The following XPO6 variants were observed in gnomAD, a reference collection of about 807,000 sequenced individuals.
The protein encoded by XPO6 is exportin-6.
Under a neutral mutation model 130.0 loss-of-function variants are expected in XPO6, and 3 were observed. That is an observed-to-expected ratio of 0.02 (90% confidence interval 0.01 to 0.06). The LOEUF (loss-of-function observed/expected upper bound fraction) is 0.06, where lower values mean the gene tolerates loss of function less well. Among genes scored for constraint, XPO6 ranks in the 10% least tolerant of loss-of-function variants. The pLI, the probability that XPO6 is intolerant of heterozygous loss-of-function variation, is 1.00. For missense variants in XPO6, 970 were observed against 1,393.0 expected (o/e 0.70, Z 4.83); for synonymous variants, 524 against 548.9 (o/e 0.95, Z 0.63).
chr16:28,135,087 ACT>A, intron 10 of XPO6, 127 bp downstream of exon 10: 1 of 666,222 alleles, frequency 1.5e-6, no homozygotes, highest in Non-Finnish European at 2.5e-6. Flanking sequence ...CAAATGTACG[ACT>A]CAAACCAGAA....
At chr16:28,171,442 G>C (rs2043446844) in intron 4 of XPO6, among the ~76,000 whole-genome samples, 1 of 126,976 alleles carries the variant, frequency 7.9e-6, no homozygotes, top group African/African-American at 3.2e-5. Flanking sequence ...AAGAGAGCAA[G>C]ACTCTGTCTC....
chr16:28,200,560 C>T (rs1173111445), intron 1 of XPO6, among the ~76,000 whole-genome samples: 1 of 151,864 alleles, frequency 6.6e-6, no homozygotes, highest in Non-Finnish European at 1.5e-5. Flanking sequence ...TGCACCATTG[C>T]ACTCCAGCCT....
chr16:28,149,910 A>G (rs2043056159), intron 8 of XPO6, among the ~76,000 whole-genome samples: 1 of 152,244 alleles, frequency 6.6e-6, no homozygotes, highest in African/African-American at 2.4e-5. Flanking sequence ...GCTATGAGAG[A>G]GTAAGATCAT....
Position 28,166,525 on chromosome 16 carries a change from G to A in XPO6, c.626C>T (p.Pro209Leu), listed in dbSNP as rs781632203. 25 of 1,591,580 alleles carry A rather than the reference G, an allele frequency of 1.6e-5. No homozygotes were observed. The highest frequency in any genetic ancestry group is 4.6e-5 in the South Asian group (4 of 87,648). The change falls in exon 6 of 24, where the codon CCG becomes CTG. Residue 209 changes from proline to leucine, a missense_variant. Physicochemically the swap from Pro to Leu is moderately conservative, Grantham distance 98. This residue lies in a region of XPO6 where 936 missense variants were observed against 1,306.8 expected (regional missense o/e 0.72). Coordinates refer to ENST00000304658, the MANE Select transcript of XPO6 (RefSeq NM_015171.4). Reference protein sequence around the residue: ...SVTAATPPPSPTSGESGDLLS... With the variant: ...SVTAATPPPSLTSGESGDLLS... Reference sequence around the variant, plus strand: ...GACCATACCACTTTCTCCTGAGGTCGGGGATGGTGGTGGAGTGGCAGCAGT... The same window carrying A: ...GACCATACCACTTTCTCCTGAGGTCAGGGATGGTGGTGGAGTGGCAGCAGT...
chr16:28,148,095 T>C (rs537552535), intron 8 of XPO6, among the ~76,000 whole-genome samples: 11 of 152,184 alleles, frequency 7.2e-5, no homozygotes, highest in Non-Finnish European at 1.2e-4. Context: ...AACTATCCAC[T>C]AGCCCCCTCA....
At chr16:28,207,588 A>G (rs1352546367) in intron 1 of XPO6, among the ~76,000 whole-genome samples, 1 of 152,208 alleles carries the variant, frequency 6.6e-6, no homozygotes, top group Non-Finnish European at 1.5e-5. Flanking sequence ...AGTGTAAACA[A>G]AATTCCCCAT....
chr16:28,115,295 CAGTA>C, intron 15 of XPO6, among the ~76,000 whole-genome samples: 1 of 152,134 alleles, frequency 6.6e-6, no homozygotes, highest in South Asian at 2.1e-4. Flanking sequence ...ATTTCTGAAA[CAGTA>C]AGACTTGAAA....
rs1454748578 is a variant in XPO6, at chr16:28,104,656, G to C, written c.2836C>G (p.Leu946Val). ...AAGAAGTACCTCCAGTTGTGATGGA[G>C]CGTCCGGAAAAGGAGCTCAAACAGC... The part of the protein sequence containing the change: ...AELFELLFRT[L>V]HHNWRYFFKS... Residue 946 changes from leucine (L) to valine (V), a missense_variant, in exon 21 of 24, where the codon CTC becomes GTC. Transcript: ENST00000304658. 2.5e-6 allele frequency: 4 copies of C among 1,614,212 alleles called. No individual in the cohort carries two copies. Among genetic ancestry groups the C allele is most frequent in the Middle Eastern group, 1.6e-4 (1 of 6,062 alleles).
At chr16:28,167,410 C>T (rs557686726) in intron 5 of XPO6, 10 of 983,538 alleles carry the variant, frequency 1.0e-5, no homozygotes, top group African/African-American at 3.5e-5. Flanking sequence ...TCAGCTCACC[C>T]GACAGACGCG....
At chr16:28,119,546 T>A (rs1375693099) in intron 14 of XPO6, among the ~76,000 whole-genome samples, 1 of 152,110 alleles carries the variant, frequency 6.6e-6, no homozygotes, top group Non-Finnish European at 1.5e-5. Flanking sequence ...CCTCAGTCAC[T>A]CTCACACACA....
chr16:28,121,223 T>C (rs985075529), intron 14 of XPO6, among the ~76,000 whole-genome samples: 3 of 152,270 alleles, frequency 2.0e-5, no homozygotes, highest in African/African-American at 7.2e-5. Flanking sequence ...TCTGCTAAAA[T>C]CAGAATCTCT....
chr16:28,103,235 C>A (rs2086691048), intron 21 of XPO6, among the ~76,000 whole-genome samples: 1 of 152,150 alleles, frequency 6.6e-6, no homozygotes, highest in Admixed American at 6.5e-5. Flanking sequence ...GGCATGGGAT[C>A]CTACCATGCA....
chr16:28,141,863 G>A (rs554712780), intron 9 of XPO6, among the ~76,000 whole-genome samples: 1 of 152,348 alleles, frequency 6.6e-6, no homozygotes, highest in African/African-American at 2.4e-5. Context: ...GGAAGGCTGA[G>A]GCAGGAGAAT....
chr16:28,177,784 A>G (rs2043555663), intron 2 of XPO6, among the ~76,000 whole-genome samples: 1 of 152,254 alleles, frequency 6.6e-6, no homozygotes, highest in South Asian at 2.1e-4. Context: ...GAAAGGCAGA[A>G]AAAGAAAAGA....
chr16:28,146,236 T>A, intron 8 of XPO6, 33 bp from the exon 9 acceptor site: 1 of 1,408,598 alleles, frequency 7.1e-7, no homozygotes, highest in Non-Finnish European at 1.0e-6. Flanking sequence ...ACAATGAAAT[T>A]ATTTAATGCT....
At chr16:28,210,785 C>T (rs1415364065) in intron 1 of XPO6, among the ~76,000 whole-genome samples, 1 of 152,212 alleles carries the variant, frequency 6.6e-6, no homozygotes, top group Non-Finnish European at 1.5e-5. Flanking sequence ...TTTGCCATCA[C>T]CTGTGCAAGT....
intron 4 of XPO6, 136 bp downstream of exon 4, chr16:28,175,762 C>A: frequency 2.9e-6 from 2 of 696,656 alleles, no homozygotes; most frequent in Non-Finnish European, 4.9e-6. Flanking sequence ...AAAGTGAATG[C>A]GATAATCAGT....
chr16:28,115,421 A>G (rs2087031186), intron 15 of XPO6, among the ~76,000 whole-genome samples: 1 of 152,230 alleles, frequency 6.6e-6, no homozygotes, highest in Admixed American at 6.5e-5. Flanking sequence ...CTGAGTCCTT[A>G]GGTAACCAGG....
Position 28,211,498 on chromosome 16 carries a change from C to G in XPO6, c.-130G>C, listed in dbSNP as rs945443566. ...ACCCATGCAAAGACAACCCCTTCCCCACCGGGCCCCGAGGGGACCCTCTAA... is the reference window on the plus strand; with the variant it reads ...ACCCATGCAAAGACAACCCCTTCCCGACCGGGCCCCGAGGGGACCCTCTAA... On this transcript the variant is annotated 5_prime_UTR_variant, in exon 1 of 24. Coordinates refer to ENST00000304658, the MANE Select transcript of XPO6 (RefSeq NM_015171.4). 2 of 1,117,322 alleles carry G rather than the reference C, an allele frequency of 1.8e-6. No homozygotes were observed. Among genetic ancestry groups the G allele is most frequent in the Non-Finnish European group, 2.3e-6 (2 of 864,936 alleles). 69.2% of individuals were successfully genotyped at this position (1,117,322 alleles called of 1,614,324 possible). A position where few individuals can be genotyped will look rare whatever the true frequency, so the allele number is the denominator to read the frequency against.
Sources: allele counts gnomAD v4.1 joint callset (sites outside exome capture counted in the v4.1 genomes callset), GRCh38; gene constraint gnomAD v4.1.1; regional missense constraint gnomAD v4.1.1; transcripts MANE v1.5; gene names NCBI Gene and HGNC (gene_info 2026-07-23, HGNC 2026-07-21).